Variants in HS3ST5 observed in about 807,000 individuals in gnomAD.
HS3ST5 encodes the protein heparan sulfate glucosamine 3-O-sulfotransferase 5.
A neutral mutation model predicts 25.4 loss-of-function variants in HS3ST5; 10 were observed. The observed-to-expected ratio is 0.39, with a 90% CI of 0.24 to 0.67. The LOEUF (loss-of-function observed/expected upper bound fraction) is 0.67, where lower values mean the gene tolerates loss of function less well. HS3ST5 is among the 30% of genes least tolerant of loss of function. The probability of loss-of-function intolerance (pLI) is 0.44; values close to 1 mark genes in which losing one functional copy is unlikely to be tolerated. For synonymous variants in HS3ST5, 170 were observed against 162.4 expected, an observed-to-expected ratio of 1.05 and a Z score of -0.36; for missense variants, 324 against 420.7, an observed-to-expected ratio of 0.77 and a Z score of 2.01.
intron 1 of HS3ST5, among the ~76,000 whole-genome samples, chr6:114,306,053 C>G (rs1343448258): frequency 6.6e-6 from 1 of 152,026 alleles, no homozygotes; most frequent in Non-Finnish European, 1.5e-5. Flanking sequence ...CCATTGCATT[C>G]TGCCTCTAAG....
Position 114,269,873 on chromosome 6 carries a change from A to C in HS3ST5, c.-338-41095T>G, listed in dbSNP as rs117269457. On this transcript the variant is annotated intron_variant, in intron 1 of 4. Coordinates refer to ENST00000312719, the MANE Select transcript of HS3ST5 (RefSeq NM_153612.4). ...GGGCTAGAGTGACTCACATTTTCAC[A>C]CAGCCTTTCACTGGCTTGATAATGG... is the stretch of plus-strand genomic sequence containing the variant. Among the ~76,000 whole-genome samples the C allele has an allele frequency of 2.8e-4, 43 of 152,278 alleles. No individual in the cohort carries two copies. In the East Asian group the frequency reaches 8.3e-3, roughly 29 times the overall value.
At chr6:114,184,548 T>C (rs887344087) in intron 2 of HS3ST5, among the ~76,000 whole-genome samples, 1 of 152,176 alleles carries the variant, frequency 6.6e-6, no homozygotes, top group Non-Finnish European at 1.5e-5. Context: ...GATGTGACCA[T>C]AGAGATTTTT....
intron 2 of HS3ST5, among the ~76,000 whole-genome samples, chr6:114,202,080 T>C (rs1359714795): frequency 2.0e-5 from 3 of 151,988 alleles, no homozygotes; most frequent in Non-Finnish European, 4.4e-5. Flanking sequence ...AGAGGCTATC[T>C]TGACCACCCT....
intron 3 of HS3ST5, among the ~76,000 whole-genome samples, chr6:114,116,857 TAC>T (rs1776555843): frequency 6.6e-6 from 1 of 152,150 alleles, no homozygotes; most frequent in Admixed American, 6.6e-5. Context: ...TTTTAGCACT[TAC>T]TGTATTATAA....
chr6:114,166,403 G>A (rs1407005484), intron 3 of HS3ST5, among the ~76,000 whole-genome samples: 6 of 152,160 alleles, frequency 3.9e-5, no homozygotes, highest in Non-Finnish European at 8.8e-5. Flanking sequence ...TGATTTTCTA[G>A]ACAATAAAGA....
At chr6:114,072,764 ACTTTCTTC>A (rs975809277) in intron 3 of HS3ST5, among the ~76,000 whole-genome samples, 4 of 152,248 alleles carry the variant, frequency 2.6e-5, no homozygotes, top group African/African-American at 9.6e-5. Context: ...GCTACCAATA[ACTTTCTTC>A]ACAGAATTGG....
At chr6:114,303,127 C>T (rs1457997035) in intron 1 of HS3ST5, among the ~76,000 whole-genome samples, 1 of 152,064 alleles carries the variant, frequency 6.6e-6, no homozygotes, top group Non-Finnish European at 1.5e-5. Context: ...TCACCAAGTC[C>T]GGCCTCAACT....
intron 3 of HS3ST5, among the ~76,000 whole-genome samples, chr6:114,116,790 C>T (rs1776552887): frequency 6.6e-6 from 1 of 152,118 alleles, no homozygotes; most frequent in African/African-American, 2.4e-5. Context: ...TAAGTAATGG[C>T]TTACTTCACC....
At chr6:114,312,910 G>A (rs778738151) in intron 1 of HS3ST5, among the ~76,000 whole-genome samples, 7 of 148,140 alleles carry the variant, frequency 4.7e-5, no homozygotes, top group Non-Finnish European at 7.4e-5. Context: ...CATGCCTATA[G>A]TTACTAGGGA....
intron 1 of HS3ST5, among the ~76,000 whole-genome samples, chr6:114,235,357 G>A (rs1771805596): frequency 6.6e-6 from 1 of 150,728 alleles, no homozygotes; most frequent in Non-Finnish European, 1.5e-5. Context: ...GGAAACAAAA[G>A]AAATAATATT....
intron 3 of HS3ST5, among the ~76,000 whole-genome samples, chr6:114,122,795 A>G (rs1055913390): frequency 6.6e-6 from 1 of 152,198 alleles, no homozygotes; most frequent in African/African-American, 2.4e-5. Flanking sequence ...GATGACTTGT[A>G]GGTCATAACA....
At chr6:114,095,099 T>C (rs1775350950) in intron 3 of HS3ST5, among the ~76,000 whole-genome samples, 1 of 152,158 alleles carries the variant, frequency 6.6e-6, no homozygotes, top group African/African-American at 2.4e-5. Context: ...TCATGCCCCA[T>C]AGGATTGATG....
intron 3 of HS3ST5, among the ~76,000 whole-genome samples, chr6:114,110,022 C>T (rs1442572401): frequency 1.3e-5 from 2 of 152,108 alleles, no homozygotes; most frequent in African/African-American, 2.4e-5. Flanking sequence ...ATTCTTCAAA[C>T]CAGAATTACT....
chr6:114,138,655 A>G (rs963272358), intron 3 of HS3ST5, among the ~76,000 whole-genome samples: 3 of 152,202 alleles, frequency 2.0e-5, no homozygotes, highest in Admixed American at 1.3e-4. Flanking sequence ...CTCCCCTGGT[A>G]AAAAATCCTG....
chr6:114,284,708 A>T (rs1405568693), intron 1 of HS3ST5, among the ~76,000 whole-genome samples: 2 of 151,012 alleles, frequency 1.3e-5, no homozygotes, highest in East Asian at 3.9e-4. Context: ...GTTTACAGTC[A>T]TAATAGTTAT....
intron 2 of HS3ST5, among the ~76,000 whole-genome samples, chr6:114,174,883 C>T (rs901176328): frequency 6.6e-6 from 1 of 152,086 alleles, no homozygotes; most frequent in Admixed American, 6.5e-5. Flanking sequence ...GTCCCAGCTA[C>T]TCAAGAGGCA....
chr6:114,087,221 A>G (rs1253603855), intron 3 of HS3ST5, among the ~76,000 whole-genome samples: 4 of 152,112 alleles, frequency 2.6e-5, no homozygotes, highest in African/African-American at 9.7e-5. Context: ...CAGACCCTAA[A>G]TTTGGAAGAT....
In HS3ST5 at chr6:114,172,278, C is replaced by T. The variant is rs112912715; in HGVS notation, c.-144-3816G>A. 2.8e-4 allele frequency among the ~76,000 whole-genome samples: 43 copies of T among 152,314 alleles called. 4 individuals are homozygous for T. Among genetic ancestry groups the T allele is most frequent in the African/African-American group, 1.0e-3 (42 of 41,578 alleles). ...CAACTGCCATCTGTTTCTGTTTCTT[C>T]CAATGAACGATATCCCCGCTCAAGA... On this transcript the variant is annotated intron_variant, in intron 2 of 4. Coordinates refer to ENST00000312719, the MANE Select transcript of HS3ST5 (RefSeq NM_153612.4).
At chr6:114,291,256 A>G (rs1774565385) in intron 1 of HS3ST5, among the ~76,000 whole-genome samples, 1 of 152,110 alleles carries the variant, frequency 6.6e-6, no homozygotes, top group Non-Finnish European at 1.5e-5. Flanking sequence ...ACAGACACAC[A>G]ACTATGTGCA....
Sources: gnomAD v4.1 joint callset for allele counts (sites outside exome capture counted in the v4.1 genomes callset) on GRCh38, gnomAD v4.1.1 for gene constraint, MANE v1.5 for transcripts, NCBI Gene and HGNC (gene_info 2026-07-23, HGNC 2026-07-21) for gene names.